Variants in CCSER1 observed in about 807,000 individuals in gnomAD.
CCSER1 encodes the protein coiled-coil serine rich protein 1, also known as serine-rich coiled-coil domain-containing protein 1.
Under a neutral mutation model 82.0 loss-of-function variants are expected in CCSER1, and 41 were observed. That is an observed-to-expected ratio of 0.50 (90% CI 0.39 to 0.65). The LOEUF (loss-of-function observed/expected upper bound fraction) is 0.65. Ranked by LOEUF, CCSER1 falls within the 30% of genes least tolerant of loss-of-function variation. The probability of loss-of-function intolerance (pLI) is 0.00; values close to 1 mark genes in which losing one functional copy is unlikely to be tolerated. For missense variants in CCSER1, 1,119 were observed against 1,064.2 expected, an observed-to-expected ratio of 1.05 and a Z score of -0.72; for synonymous variants, 414 against 383.9, an observed-to-expected ratio of 1.08 and a Z score of -0.92.
rs193268535 is a variant in CCSER1 at position 91,543,642 on chromosome 4, G to A, written c.2218-54930G>A. The stretch of plus-strand genomic sequence containing the variant: ...TGAATATTGGCCCCCACTCTCTTCC[G>A]GCTTGTAGAGTTTCTACCCAGAGAT... On this transcript the variant is annotated intron_variant, in intron 10 of 10. Transcript: ENST00000509176. Among the ~76,000 whole-genome samples the A allele has an allele frequency of 4.4e-3, 666 of 152,184 alleles. 7 individuals are homozygous for A. Among genetic ancestry groups the A allele is most frequent in the African/African-American group, 0.015 (614 of 41,522 alleles).
At chr4:90,750,246 T>C (rs1251794627) in intron 7 of CCSER1, among the ~76,000 whole-genome samples, 1 of 152,130 alleles carries the variant, frequency 6.6e-6, no homozygotes, top group Middle Eastern at 3.2e-3. Flanking sequence ...GTGGGTTGCC[T>C]GTTCGCTCTG....
At chr4:91,013,642 A>G (rs1739183207) in intron 9 of CCSER1, among the ~76,000 whole-genome samples, 1 of 120,434 alleles carries the variant, frequency 8.3e-6, no homozygotes, top group Non-Finnish European at 1.9e-5. Context: ...TTGCTCTGTC[A>G]ACCAGGCTGG....
chr4:90,839,587 A>G (rs1326810026), intron 8 of CCSER1, among the ~76,000 whole-genome samples: 1 of 152,220 alleles, frequency 6.6e-6, no homozygotes, highest in African/African-American at 2.4e-5. Flanking sequence ...CCCTGCTTTA[A>G]GTGTGTTTAT....
intron 10 of CCSER1, among the ~76,000 whole-genome samples, chr4:91,567,578 T>C (rs1304093382): frequency 6.6e-6 from 1 of 152,192 alleles, no homozygotes; most frequent in Non-Finnish European, 1.5e-5. Context: ...TGTGTGCATA[T>C]ATATTTAATA....
chr4:91,128,347 TA>T, intron 10 of CCSER1, among the ~76,000 whole-genome samples: 1 of 152,132 alleles, frequency 6.6e-6, no homozygotes, highest in Non-Finnish European at 1.5e-5. Context: ...TCTTCAACTT[TA>T]AAAGGAAATA....
intron 9 of CCSER1, among the ~76,000 whole-genome samples, chr4:90,987,712 G>A (rs1736686841): frequency 1.3e-5 from 2 of 151,672 alleles, no homozygotes; most frequent in African/African-American, 4.8e-5. Flanking sequence ...TTAAAAATGT[G>A]TTGTACACAG....
chr4:90,885,843 C>T (rs1722046394), intron 8 of CCSER1, among the ~76,000 whole-genome samples: 1 of 152,180 alleles, frequency 6.6e-6, no homozygotes, highest in Admixed American at 6.6e-5. Context: ...TTACTAATCC[C>T]ATTACTACAA....
intron 10 of CCSER1, among the ~76,000 whole-genome samples, chr4:91,502,791 A>T (rs544929150): frequency 3.3e-4 from 50 of 152,332 alleles, no homozygotes; most frequent in African/African-American, 1.2e-3. Flanking sequence ...CTGACACACA[A>T]GTGCTCCAAA....
At chr4:91,091,990 G>C (rs984074829) in intron 10 of CCSER1, among the ~76,000 whole-genome samples, 1 of 152,128 alleles carries the variant, frequency 6.6e-6, no homozygotes, top group Non-Finnish European at 1.5e-5. Flanking sequence ...GGAAGTCCTC[G>C]CGGTATAGGA....
At chr4:91,043,752 A>T (rs1454886812) in intron 9 of CCSER1, among the ~76,000 whole-genome samples, 1 of 151,904 alleles carries the variant, frequency 6.6e-6, no homozygotes, top group Non-Finnish European at 1.5e-5. Flanking sequence ...CACCATGCCC[A>T]GCTAATTTTA....
chr4:91,304,478 C>T (rs967746262), intron 10 of CCSER1, among the ~76,000 whole-genome samples: 1 of 151,870 alleles, frequency 6.6e-6, no homozygotes, highest in African/African-American at 2.4e-5. Context: ...GAGGTTTATC[C>T]CTTGACTCAT....
chr4:91,363,620 T>A (rs1477234066), intron 10 of CCSER1, among the ~76,000 whole-genome samples: 1 of 151,732 alleles, frequency 6.6e-6, no homozygotes, highest in Non-Finnish European at 1.5e-5. Context: ...TAGCAGTGTA[T>A]GTCAAATAGT....
chr4:90,558,506 T>A (rs952193410), intron 5 of CCSER1, among the ~76,000 whole-genome samples: 7 of 152,064 alleles, frequency 4.6e-5, no homozygotes, highest in Non-Finnish European at 8.8e-5. Context: ...TCAGTGATAC[T>A]TGTTTTTGTA....
At chr4:90,905,358 C>CTACACACACACACA (rs71596536) in intron 8 of CCSER1, among the ~76,000 whole-genome samples, 40 of 150,450 alleles carry the variant, frequency 2.7e-4, no homozygotes, top group African/African-American at 9.0e-4. Context: ...TCTAGTCACA[C>CTACACACACACACA]CACACACACA....
At chr4:90,447,742 G>A (rs1257318955) in intron 4 of CCSER1, among the ~76,000 whole-genome samples, 1 of 152,150 alleles carries the variant, frequency 6.6e-6, no homozygotes. Flanking sequence ...ACTTTGGGCT[G>A]ATAGGTGAAA....
At position 90,308,834 on chromosome 4, in the gene CCSER1, T is replaced by C; in HGVS notation, c.550T>C (p.Ser184Pro). The C allele has an allele frequency of 6.2e-7, 1 of 1,613,776 alleles. No individual in the cohort carries two copies. Among genetic ancestry groups the C allele is most frequent in the Non-Finnish European group, 8.5e-7 (1 of 1,179,796 alleles). The change falls in exon 2 of 11, where the codon TCT (serine) becomes CCT (proline). Residue 184 changes from serine (S) to proline (P), a missense_variant. Coordinates refer to ENST00000509176, the MANE Select transcript of CCSER1 (RefSeq NM_001145065.2). Reference protein sequence around the residue: ...KQSTRKLLPKSFSSHYKFSKP... With the variant: ...KQSTRKLLPKPFSSHYKFSKP... ...GTCAACAAGGAAGCTACTCCCTAAA[T>C]CTTTTTCATCTCACTATAAATTTTC...
chr4:91,229,751 G>A (rs908026216), intron 10 of CCSER1, among the ~76,000 whole-genome samples: 1 of 152,084 alleles, frequency 6.6e-6, no homozygotes, highest in African/African-American at 2.4e-5. Context: ...ACCAAACACC[G>A]CATGTTCTCA....
chr4:91,132,482 G>T (rs567946071), intron 10 of CCSER1, among the ~76,000 whole-genome samples: 1 of 152,166 alleles, frequency 6.6e-6, no homozygotes, highest in Non-Finnish European at 1.5e-5. Context: ...TTTCACAATT[G>T]CCCTGCAATT....
intron 5 of CCSER1, among the ~76,000 whole-genome samples, chr4:90,497,850 C>T (rs112683977): frequency 0.011 from 1,692 of 152,166 alleles, 21 homozygotes; most frequent in Middle Eastern, 0.024. Flanking sequence ...GTCTAGTATA[C>T]CTGTCTCCTA....
Sources: gnomAD v4.1 joint callset for allele counts (sites outside exome capture counted in the v4.1 genomes callset) on GRCh38, gnomAD v4.1.1 for gene constraint, MANE v1.5 for transcripts, NCBI Gene and HGNC (gene_info 2026-07-23, HGNC 2026-07-21) for gene names.